Variants in UBTD2 observed in about 807,000 individuals in gnomAD.
UBTD2 encodes the protein ubiquitin domain-containing protein 2.
In UBTD2, 9 loss-of-function variants were observed where a neutral mutation model predicts 19.8. That is an observed-to-expected ratio of 0.46 (90% CI 0.27 to 0.79). The LOEUF is 0.79. Ranked by LOEUF, UBTD2 falls within the 30% of genes least tolerant of loss-of-function variation. The probability of loss-of-function intolerance (pLI) is 0.14; values close to 1 mark genes in which losing one functional copy is unlikely to be tolerated. For synonymous variants in UBTD2, 98 were observed against 103.9 expected (o/e 0.94, Z 0.35); for missense variants, 250 against 300.4 (o/e 0.83, Z 1.24).
intron 1 of UBTD2, among the ~76,000 whole-genome samples, chr5:172,241,204 A>G (rs955322612): frequency 1.3e-5 from 2 of 152,086 alleles, no homozygotes; most frequent in Middle Eastern, 3.2e-3. Context: ...ACCCGAGGTC[A>G]GGAGTTTGAG....
intron 1 of UBTD2, among the ~76,000 whole-genome samples, chr5:172,266,311 T>A (rs1755375428): frequency 6.6e-6 from 1 of 152,204 alleles, no homozygotes; most frequent in Non-Finnish European, 1.5e-5. Context: ...TGTGAGTCAC[T>A]GGATGTAAAG....
At chr5:172,232,970 GTC>G (rs1419925558) in intron 2 of UBTD2, among the ~76,000 whole-genome samples, 1 of 151,634 alleles carries the variant, frequency 6.6e-6, no homozygotes, top group African/African-American at 2.4e-5. Context: ...GTGAAACCCT[GTC>G]TCTACTAAAA....
At chr5:172,221,790 T>C (rs1771657540) in intron 2 of UBTD2, among the ~76,000 whole-genome samples, 1 of 152,164 alleles carries the variant, frequency 6.6e-6, no homozygotes, top group Non-Finnish European at 1.5e-5. Flanking sequence ...CATGTCAATA[T>C]AAAGTTGTCC....
rs1771403865 is a variant in UBTD2 at position 172,209,868 on chromosome 5, C to A, written c.*1962G>T. 6.6e-6 allele frequency: 1 copy of A among 152,512 alleles called. No individual in the cohort carries two copies. Among genetic ancestry groups the A allele is most frequent in the Non-Finnish European group, 1.5e-5 (1 of 68,000 alleles). The allele number at this position is 152,512 out of a possible 1,614,324, so 9.4% of individuals were successfully genotyped here. A position where few individuals can be genotyped will look rare whatever the true frequency, so the allele number is the denominator to read the frequency against. ...TTAAAAAGAGAGCTCAAATCCTCAACAAAGAAAGACCTTTTACCAATCGAT... is the reference window on the plus strand; with the variant it reads ...TTAAAAAGAGAGCTCAAATCCTCAAAAAAGAAAGACCTTTTACCAATCGAT... On this transcript the variant is annotated 3_prime_UTR_variant, in exon 3 of 3. Transcript: ENST00000393792.
At chr5:172,230,669 GAACT>G (rs1186305644) in intron 2 of UBTD2, among the ~76,000 whole-genome samples, 1 of 151,984 alleles carries the variant, frequency 6.6e-6, no homozygotes, top group Non-Finnish European at 1.5e-5. Flanking sequence ...ATCGAAGGCT[GAACT>G]AAATAATAGT....
intron 2 of UBTD2, among the ~76,000 whole-genome samples, chr5:172,216,241 A>C (rs1407385479): frequency 6.6e-6 from 1 of 151,830 alleles, no homozygotes; most frequent in African/African-American, 2.4e-5. Flanking sequence ...AAAACAAAAA[A>C]CCCCACCACA....
intron 2 of UBTD2, among the ~76,000 whole-genome samples, chr5:172,221,380 C>CTA (rs1434042182): frequency 6.6e-6 from 1 of 152,020 alleles, no homozygotes; most frequent in Non-Finnish European, 1.5e-5. Context: ...TGGTGCCTGC[C>CTA]CGTAGTCCCA....
At chr5:172,268,149 A>G (rs1755415784) in intron 1 of UBTD2, among the ~76,000 whole-genome samples, 1 of 152,240 alleles carries the variant, frequency 6.6e-6, no homozygotes, top group South Asian at 2.1e-4. Flanking sequence ...TAAGTAATGT[A>G]TAAAAATAGC....
At chr5:172,280,509 C>CAAAAAAAAAAAAAAAAAAA (rs376156166) in intron 1 of UBTD2, among the ~76,000 whole-genome samples, 1 of 95,024 alleles carries the variant, frequency 1.1e-5, no homozygotes, top group Non-Finnish European at 2.1e-5. Flanking sequence ...GACTCCATCT[C>CAAAAAAAAAAAAAAAAAAA]AAAAAAAAAA....
At chr5:172,226,380 T>A (rs1474115566) in intron 2 of UBTD2, among the ~76,000 whole-genome samples, 1 of 152,132 alleles carries the variant, frequency 6.6e-6, no homozygotes, top group East Asian at 1.9e-4. Flanking sequence ...TGATTTTGGA[T>A]ATGGTGAGTC....
intron 1 of UBTD2, among the ~76,000 whole-genome samples, chr5:172,258,487 T>C (rs929688602): frequency 3.3e-5 from 5 of 152,234 alleles, no homozygotes; most frequent in Admixed American, 2.0e-4. Context: ...ATATGAATTT[T>C]AGAATAGTGT....
At chr5:172,227,898 C>A (rs570671908) in intron 2 of UBTD2, among the ~76,000 whole-genome samples, 4 of 151,780 alleles carry the variant, frequency 2.6e-5, no homozygotes, top group African/African-American at 9.7e-5. Context: ...CTAGGCTGGT[C>A]TCTAACTCCT....
At chr5:172,249,789 G>A (rs989448450) in intron 1 of UBTD2, among the ~76,000 whole-genome samples, 2 of 152,176 alleles carry the variant, frequency 1.3e-5, no homozygotes, top group African/African-American at 4.8e-5. Context: ...TATGTAATAT[G>A]TCACATTAAT....
intron 1 of UBTD2, among the ~76,000 whole-genome samples, chr5:172,236,376 G>C (rs1173355951): frequency 6.6e-6 from 1 of 152,200 alleles, no homozygotes; most frequent in Non-Finnish European, 1.5e-5. Context: ...TGTCTACTGG[G>C]AGTAACACTA....
intron 1 of UBTD2, among the ~76,000 whole-genome samples, chr5:172,274,989 T>C (rs143590519): frequency 0.014 from 2,138 of 152,194 alleles, 39 homozygotes; most frequent in African/African-American, 0.048. Context: ...TGAGCCAAGA[T>C]TGCGCCACTG....
chr5:172,274,635 T>C (rs1227332928), intron 1 of UBTD2, among the ~76,000 whole-genome samples: 4 of 152,210 alleles, frequency 2.6e-5, no homozygotes, highest in African/African-American at 9.6e-5. Flanking sequence ...GCTACTGGTA[T>C]ATTCTGGAAT....
intron 2 of UBTD2, among the ~76,000 whole-genome samples, chr5:172,229,035 T>G (rs564407827): frequency 2.6e-5 from 4 of 152,212 alleles, no homozygotes; most frequent in African/African-American, 9.6e-5. Flanking sequence ...CCCATACCCC[T>G]TAAGGGTTAA....
chr5:172,264,884 A>C (rs1322247716), intron 1 of UBTD2, among the ~76,000 whole-genome samples: 1 of 152,172 alleles, frequency 6.6e-6, no homozygotes, highest in Non-Finnish European at 1.5e-5. Flanking sequence ...TCAAAAAAAA[A>C]CACAAACAAA....
chr5:172,260,652 A>G (rs1755248847), intron 1 of UBTD2, among the ~76,000 whole-genome samples: 1 of 152,300 alleles, frequency 6.6e-6, no homozygotes, highest in Admixed American at 6.5e-5. Flanking sequence ...ATTACATGTC[A>G]TTTCATTCAA....
Sources: allele counts gnomAD v4.1 joint callset (sites outside exome capture counted in the v4.1 genomes callset), GRCh38; gene constraint gnomAD v4.1.1; transcripts MANE v1.5; gene names NCBI Gene and HGNC (gene_info 2026-07-23, HGNC 2026-07-21).